Variants in NPY observed in about 807,000 individuals in gnomAD.
NPY encodes the protein pro-neuropeptide Y.
NPY carries 11 observed loss-of-function variants against 13.2 expected under a neutral mutation model. The ratio of observed to expected loss-of-function variants is 0.83; its 90% CI spans 0.52 to 1.38. The LOEUF (loss-of-function observed/expected upper bound fraction) is 1.38. Among genes scored for constraint, NPY ranks in the 40% most tolerant of loss-of-function variants. The pLI, the probability that NPY is intolerant of heterozygous loss-of-function variation, is 0.00. For missense variants in NPY, 109 were observed against 125.1 expected (o/e 0.87, Z 0.61); for synonymous variants, 51 against 55.6 (o/e 0.92, Z 0.37).
chr7:24,288,884 TATC>T (rs1787490610), intron 2 of NPY, among the ~76,000 whole-genome samples: 1 of 152,188 alleles, frequency 6.6e-6, no homozygotes, highest in South Asian at 2.1e-4. Context: ...TGCATGCGTG[TATC>T]ACTTTGTCAC....
chr7:24,290,667 G>C (rs924727717), intron 3 of NPY, among the ~76,000 whole-genome samples: 2 of 151,798 alleles, frequency 1.3e-5, no homozygotes, highest in African/African-American at 4.8e-5. Context: ...TAAAACTCCA[G>C]TGCTCCTGTC....
At chr7:24,286,498 T>A (rs1314473799) in intron 2 of NPY, among the ~76,000 whole-genome samples, 1 of 152,220 alleles carries the variant, frequency 6.6e-6, no homozygotes, top group Non-Finnish European at 1.5e-5. Flanking sequence ...ATTTATTTAT[T>A]TAGTCCATAT....
At chr7:24,289,270 A>G (rs1312073892) in intron 2 of NPY, among the ~76,000 whole-genome samples, 1 of 152,200 alleles carries the variant, frequency 6.6e-6, no homozygotes, top group Non-Finnish European at 1.5e-5. Flanking sequence ...ATAACCTCCT[A>G]GATTATTTAT....
intron 2 of NPY, among the ~76,000 whole-genome samples, chr7:24,289,066 C>A (rs564959924): frequency 1.3e-5 from 2 of 152,096 alleles, no homozygotes; most frequent in African/African-American, 4.8e-5. Context: ...ATCATCTGGT[C>A]TCCTTGTTAA....
intron 3 of NPY, 43 bp from the exon 4 acceptor site, chr7:24,291,620 T>C (rs1266817997): frequency 6.2e-7 from 1 of 1,612,970 alleles, no homozygotes; most frequent in East Asian, 2.2e-5. Context: ...CCTCAGGAAG[T>C]TGGGCAGCTT....
intron 3 of NPY, among the ~76,000 whole-genome samples, chr7:24,291,218 T>G (rs1277663982): frequency 1.3e-5 from 2 of 152,086 alleles, no homozygotes; most frequent in Admixed American, 1.3e-4. Flanking sequence ...TGCCTATGAG[T>G]GCTATTTTAT....
At position 24,288,261 on chromosome 7, in the gene NPY, C is replaced by T. The variant is rs143571391; in HGVS notation, c.189-1238C>T. On this transcript the variant is annotated intron_variant, in intron 2 of 3. Coordinates refer to ENST00000242152, the MANE Select transcript of NPY (RefSeq NM_000905.4). ...GACAGAATAAATAAGTATAAGCAGA[C>T]ACCTATAGTCTAATATCGCAACTCC... Among the ~76,000 whole-genome samples, 696 of 152,234 alleles carry T rather than the reference C, an allele frequency of 4.6e-3. 7 individuals carry two copies. The highest frequency in any genetic ancestry group is 0.016 in the African/African-American group (653 of 41,530).
intron 2 of NPY, among the ~76,000 whole-genome samples, chr7:24,287,454 G>A (rs3757680): frequency 0.22 from 16,154 of 72,882 alleles, 828 homozygotes; most frequent in Non-Finnish European, 0.25. Context: ...CCCGCCCCCC[G>A]CCACCAGCAT....
intron 3 of NPY, among the ~76,000 whole-genome samples, chr7:24,290,775 A>AATTATTATTATTATTATTATT (rs10693219): frequency 0.02 from 2,591 of 129,602 alleles, 57 homozygotes; most frequent in African/African-American, 0.036. Flanking sequence ...TAATAATAAT[A>AATTATTATTATTATTATTATT]ATTATTATTA....
Position 24,285,559 on chromosome 7 carries a change from G to A in NPY, c.188+131G>A. 2.2e-6 allele frequency: 2 copies of A among 900,736 alleles called. No individual in the cohort carries two copies. The highest frequency in any genetic ancestry group is 3.3e-6 in the Non-Finnish European group (2 of 600,352). The allele number at this position is 900,736 out of a possible 1,614,324, so 55.8% of individuals were successfully genotyped here. A position where few individuals can be genotyped will look rare whatever the true frequency, so the allele number is the denominator to read the frequency against. On this transcript the variant is annotated intron_variant, in intron 2 of 3. Coordinates refer to ENST00000242152, the MANE Select transcript of NPY (RefSeq NM_000905.4). The surrounding 1 kb of genome is among the most constrained non-coding windows in gnomAD (Gnocchi z 4.9). ...AGGGCAGGACAGTATCAGGCACTTA[G>A]TCAGCTCTAGGTAAATGTTTGTACA...
intron 2 of NPY, among the ~76,000 whole-genome samples, chr7:24,287,989 T>A (rs1787453591): frequency 6.6e-6 from 1 of 152,192 alleles, no homozygotes; most frequent in South Asian, 2.1e-4. Flanking sequence ...CTCTAAGGAC[T>A]CAATCTTTGA....
intron 1 of NPY, chr7:24,284,930 C>T: frequency 4.4e-6 from 2 of 458,582 alleles, no homozygotes; most frequent in East Asian, 4.3e-5. Flanking sequence ...ACTTCCAATT[C>T]GGTTTTGAAT....
rs1391417906 is a variant in NPY, at chr7:24,285,406, A to G, written c.166A>G (p.Ile56Val). Residue 56 changes from isoleucine to valine, a missense_variant, in exon 2 of 4, where the codon ATC (isoleucine) becomes GTC (valine). By Grantham distance (29) the Ile-to-Val change is conservative. Transcript: ENST00000242152. This position sits in a 1 kb window ranked among gnomAD's most constrained non-coding sequence, Gnocchi z 4.9. ...ARYYSALRHY[I>V]NLITRQRYGK... ...ATACTACTCGGCGCTGCGACACTAC[A>G]TCAACCTCATCACCAGGCAGAGGTG... The G allele has an allele frequency of 6.2e-7, 1 of 1,613,294 alleles. No homozygotes were observed.
At chr7:24,288,396 A>G (rs1471177907) in intron 2 of NPY, among the ~76,000 whole-genome samples, 2 of 152,204 alleles carry the variant, frequency 1.3e-5, no homozygotes, top group Non-Finnish European at 2.9e-5. Context: ...ATATTTCCAA[A>G]AAATTTAGAT....
Position 24,285,139 on chromosome 7 carries a change from GT to G in NPY, c.1-101del. 8.3e-7 allele frequency: 1 copy of G among 1,202,108 alleles called. No homozygotes were observed. The highest frequency in any genetic ancestry group is 1.2e-6 in the Non-Finnish European group (1 of 822,900). 74.5% of individuals were successfully genotyped at this position (1,202,108 alleles called of 1,614,324 possible). A position where few individuals can be genotyped will look rare whatever the true frequency, so the allele number is the denominator to read the frequency against. On this transcript the variant is annotated intron_variant, in intron 1 of 3. Transcript: ENST00000242152. The surrounding 1 kb of genome is among the most constrained non-coding windows in gnomAD (Gnocchi z 4.9). ...GGGACGAGAGCGGATTGGGGGTCGC[GT>G]GTGGTAGCAGGAGGAGGAGCGCGGG...
intron 2 of NPY, among the ~76,000 whole-genome samples, chr7:24,288,582 T>A (rs536192615): frequency 5.3e-5 from 8 of 151,720 alleles, no homozygotes; most frequent in African/African-American, 1.9e-4. Context: ...GGTATAGACT[T>A]GTCTGGCCGT....
At chr7:24,289,368 C>A in intron 2 of NPY, 131 bp from the exon 3 acceptor site, 1 of 485,306 alleles carries the variant, frequency 2.1e-6, no homozygotes. Context: ...ATACACCTAG[C>A]TTGCTTGTTA....
chr7:24,285,078 TGG>T lies in NPY; in HGVS notation c.1-162_1-161del. On this transcript the variant is annotated intron_variant, in intron 1 of 3. Coordinates refer to ENST00000242152, the MANE Select transcript of NPY (RefSeq NM_000905.4). This position sits in a 1 kb window ranked among gnomAD's most constrained non-coding sequence, Gnocchi z 4.9. Reference sequence around the variant, plus strand: ...CGGACGGCGCCCGGAGCCCGCAAGGTGGTGCTAGCCACTCCTGGGTTCTCTCT... The same window carrying T: ...CGGACGGCGCCCGGAGCCCGCAAGGTTGCTAGCCACTCCTGGGTTCTCTCT... The T allele has an allele frequency of 1.4e-6, 1 of 706,906 alleles. No homozygotes were observed. Among genetic ancestry groups the T allele is most frequent in the Admixed American group, 2.6e-5 (1 of 38,826 alleles). The allele number at this position is 706,906 out of a possible 1,614,324, so 43.8% of individuals were successfully genotyped here. A position where few individuals can be genotyped will look rare whatever the true frequency, so the allele number is the denominator to read the frequency against.
rs543428854 is a variant in NPY at position 24,285,061 on chromosome 7, G to T, written c.1-180G>T. The T allele has an allele frequency of 2.3e-5, 15 of 643,914 alleles. No homozygotes were observed. The highest frequency in any genetic ancestry group is 2.2e-4 in the African/African-American group (12 of 54,848). The allele number at this position is 643,914 out of a possible 1,614,324, so 39.9% of individuals were successfully genotyped here. ...GAGGGGCAGGTCCCGACCGGACGGCGCCCGGAGCCCGCAAGGTGGTGCTAG... is the reference window on the plus strand; with the variant it reads ...GAGGGGCAGGTCCCGACCGGACGGCTCCCGGAGCCCGCAAGGTGGTGCTAG... On this transcript the variant is annotated intron_variant, in intron 1 of 3. Coordinates refer to ENST00000242152, the MANE Select transcript of NPY (RefSeq NM_000905.4). This position sits in a 1 kb window ranked among gnomAD's most constrained non-coding sequence, Gnocchi z 4.9.
Sources: allele counts gnomAD v4.1 joint callset (sites outside exome capture counted in the v4.1 genomes callset), GRCh38; gene constraint gnomAD v4.1.1; non-coding constraint Gnocchi (gnomAD v3.1); transcripts MANE v1.5; gene names NCBI Gene and HGNC (gene_info 2026-07-23, HGNC 2026-07-21).